The following COL4A5 variants were observed in gnomAD, a reference collection of about 807,000 sequenced individuals.
The protein encoded by COL4A5 is collagen type IV alpha 5 chain.
COL4A5 carries 26 observed loss-of-function variants against 130.2 expected under a neutral mutation model. That is an observed-to-expected ratio of 0.20 (90% CI 0.15 to 0.28). COL4A5 has a LOEUF of 0.28. Ranked by LOEUF, COL4A5 falls within the 10% of genes least tolerant of loss-of-function variation. The pLI is 1.00. For synonymous variants in COL4A5, 496 were observed against 439.6 expected, an observed-to-expected ratio of 1.13 and a Z score of -1.60; for missense variants, 1,131 against 1,344.3, an observed-to-expected ratio of 0.84 and a Z score of 2.48.
chrX:108,558,291 A>G (rs2065855680), intron 2 of COL4A5, among the ~76,000 whole-genome samples: 1 of 110,726 alleles, frequency 9.0e-6, no homozygotes, highest in South Asian at 3.9e-4. Flanking sequence ...CACCCTTACT[A>G]GGATTGGCTA....
Position 108,598,836 on chromosome X carries a change from T to C in COL4A5, c.1914T>C (p.Gly638=), listed in dbSNP as rs1397047930. The C allele has an allele frequency of 8.3e-7, 1 of 1,209,958 alleles. No homozygotes were observed. The highest frequency in any genetic ancestry group is 3.0e-5 in the East Asian group (1 of 33,759). ...PGPVGEKGIQ[G]VAGNPGQPGI... The stretch of plus-strand genomic sequence containing the variant: ...CAGTAGGTGAAAAAGGCATACAAGG[T>C]GTGGCAGGAAATCCAGGCCAGCCAG... The change falls in exon 25 of 53, where the codon GGT becomes GGC. Residue 638 remains glycine (G), a synonymous_variant. Coordinates refer to ENST00000328300, the MANE Select transcript of COL4A5 (RefSeq NM_033380.3).
intron 1 of COL4A5, among the ~76,000 whole-genome samples, chrX:108,473,635 T>TA (rs2064803930): frequency 8.2e-4 from 14 of 17,058 alleles, no homozygotes; most frequent in East Asian, 2.9e-3. Context: ...ATATATATAT[T>TA]TTTTTTTTTT....
chrX:108,507,610 C>T (rs1018690873), intron 1 of COL4A5, among the ~76,000 whole-genome samples: 2 of 111,402 alleles, frequency 1.8e-5, no homozygotes, highest in Non-Finnish European at 3.8e-5. Context: ...AGATCAAGAC[C>T]ATCCTGGCTA....
chrX:108,575,130 TAAGTA>T (rs1484272510), intron 9 of COL4A5, among the ~76,000 whole-genome samples: 1 of 111,867 alleles, frequency 8.9e-6, no homozygotes, highest in African/African-American at 3.3e-5. Context: ...GATTTATATC[TAAGTA>T]TAGAATTGCT....
chrX:108,535,461 A>T (rs1287287240), intron 1 of COL4A5, among the ~76,000 whole-genome samples: 1 of 111,337 alleles, frequency 9.0e-6, no homozygotes, highest in African/African-American at 3.3e-5. Context: ...TTTTCTACGT[A>T]GAGTCAGTAT....
intron 13 of COL4A5, among the ~76,000 whole-genome samples, chrX:108,579,245 T>A (rs924219821): frequency 1.8e-5 from 2 of 112,424 alleles, no homozygotes; most frequent in African/African-American, 6.5e-5. Flanking sequence ...CTATTCTGAA[T>A]ATTTCATATA....
chrX:108,663,698 T>C (rs979351985), intron 37 of COL4A5, among the ~76,000 whole-genome samples: 1 of 108,812 alleles, frequency 9.2e-6, no homozygotes, highest in Non-Finnish European at 1.9e-5. Flanking sequence ...CGTTTACCTG[T>C]GTAACAAACC....
At chrX:108,637,090 G>A (rs761345087) in intron 36 of COL4A5, among the ~76,000 whole-genome samples, 5 of 108,478 alleles carry the variant, frequency 4.6e-5, no homozygotes, top group African/African-American at 6.7e-5. Flanking sequence ...TTACAGATAC[G>A]CACCACCATG....
chrX:108,545,824 A>T lies in COL4A5; in HGVS notation c.141+6019A>T, dbSNP rs1387958982. Among the ~76,000 whole-genome samples the T allele has an allele frequency of 1.4e-4, 16 of 111,306 alleles. No homozygotes were observed. The Admixed American group carries it at 1.5e-3, about 11-fold the overall frequency. ...GGGTGCATATATATTTAGGATAGTT[A>T]GCTCTTCTTGTTGAATTGATCCCTT... is the stretch of plus-strand genomic sequence containing the variant. On this transcript the variant is annotated intron_variant, in intron 2 of 52. Coordinates refer to ENST00000328300, the MANE Select transcript of COL4A5 (RefSeq NM_033380.3).
rs145863178 is a variant in COL4A5 at position 108,480,146 on chromosome X, A to G, written c.81+39940A>G. ...CTGGCAGCCTTTCGGGTCACTCGAT[A>G]AATGGGCCTGAGTAACTCACCCAAA... On this transcript the variant is annotated intron_variant, in intron 1 of 52. Coordinates refer to ENST00000328300, the MANE Select transcript of COL4A5 (RefSeq NM_033380.3). Among the ~76,000 whole-genome samples, 79 of 111,867 alleles carry G rather than the reference A, an allele frequency of 7.1e-4. 1 individual carries two copies. The highest frequency in any genetic ancestry group is 8.7e-4 in the Non-Finnish European group (46 of 53,166).
intron 1 of COL4A5, among the ~76,000 whole-genome samples, chrX:108,508,057 G>T (rs1383031228): frequency 9.0e-6 from 1 of 111,124 alleles, no homozygotes; most frequent in Admixed American, 9.6e-5. Context: ...GCAAGAGAAA[G>T]AAATAAAGGG....
At chrX:108,603,141 A>G in intron 28 of COL4A5, 80 bp downstream of exon 28, 2 of 630,960 alleles carry the variant, frequency 3.2e-6, no homozygotes, top group South Asian at 2.4e-5. Context: ...ATTTTGACTC[A>G]GATATCATCC....
At chrX:108,496,477 A>G (rs552049567) in intron 1 of COL4A5, among the ~76,000 whole-genome samples, 1 of 111,380 alleles carries the variant, frequency 9.0e-6, no homozygotes, top group South Asian at 3.8e-4. Context: ...ATGTCCCAGA[A>G]TATGTTCTAT....
At chrX:108,650,742 A>G (rs2067709159) in intron 36 of COL4A5, among the ~76,000 whole-genome samples, 1 of 110,666 alleles carries the variant, frequency 9.0e-6, no homozygotes. Flanking sequence ...ACGCAAAGGC[A>G]TAAGAATGAT....
At chrX:108,486,182 T>C in intron 1 of COL4A5, among the ~76,000 whole-genome samples, 1 of 111,665 alleles carries the variant, frequency 9.0e-6, no homozygotes, top group South Asian at 3.8e-4. Flanking sequence ...CTGCTGCCAA[T>C]GGGTGGGGAA....
chrX:108,513,145 G>A lies in COL4A5; in HGVS notation c.82-26601G>A, dbSNP rs977590730. Among the ~76,000 whole-genome samples the A allele has an allele frequency of 2.2e-4, 25 of 111,678 alleles. No homozygotes were observed. In the Admixed American group the frequency reaches 2.4e-3, roughly 11 times the overall value. ...TTCTTTTGGATTAATAGCTGGGAGT[G>A]GAATTGTTGAGTCATAGGGAAGGTG... On this transcript the variant is annotated intron_variant, in intron 1 of 52. Coordinates refer to ENST00000328300, the MANE Select transcript of COL4A5 (RefSeq NM_033380.3).
At position 108,601,433 on chromosome X, in the gene COL4A5, G is replaced by C; in HGVS notation, c.1989G>C (p.Gly663=). The change falls in exon 26 of 53, where the codon GGG becomes GGC. Residue 663 remains glycine, a synonymous_variant. Coordinates refer to ENST00000328300, the MANE Select transcript of COL4A5 (RefSeq NM_033380.3). The part of the protein sequence containing the change: ...GDPGQTITQP[G]KPGLPGNPGR... ...CAGGTCAGACTATAACCCAGCCGGG[G>C]AAGCCTGGCTTGCCTGGTAACCCAG... 8.3e-7 allele frequency: 1 copy of C among 1,208,994 alleles called. No homozygotes were observed. The highest frequency in any genetic ancestry group is 1.1e-6 in the Non-Finnish European group (1 of 894,426).
chrX:108,586,365 G>A (rs1380431578), intron 18 of COL4A5, among the ~76,000 whole-genome samples: 2 of 111,433 alleles, frequency 1.8e-5, no homozygotes, highest in African/African-American at 6.5e-5. Flanking sequence ...TGAATTGAAT[G>A]TGAATTATAG....
chrX:108,575,148 A>T (rs2066124700), intron 9 of COL4A5, among the ~76,000 whole-genome samples: 1 of 111,737 alleles, frequency 8.9e-6, no homozygotes, highest in African/African-American at 3.3e-5. Flanking sequence ...GAATTGCTAG[A>T]TTGTAGGCCA....
Sources: gnomAD v4.1 joint callset for allele counts (sites outside exome capture counted in the v4.1 genomes callset) on GRCh38, gnomAD v4.1.1 for gene constraint, MANE v1.5 for transcripts, NCBI Gene and HGNC (gene_info 2026-07-23, HGNC 2026-07-21) for gene names.